WDR35: variants seen among roughly 807,000 people sequenced by gnomAD.
WDR35 encodes the protein WD repeat domain 35.
WDR35 carries 118 observed loss-of-function variants against 158.3 expected under a neutral mutation model. The ratio of observed to expected loss-of-function variants is 0.75; its 90% CI spans 0.64 to 0.87. WDR35 has a LOEUF of 0.87. WDR35 is among the 40% of genes least tolerant of loss of function. WDR35 has a pLI of 0.00. For synonymous variants in WDR35, 448 were observed against 476.1 expected (o/e 0.94, Z 0.77); for missense variants, 1,263 against 1,405.8 (o/e 0.90, Z 1.62).
intron 5 of WDR35, among the ~76,000 whole-genome samples, 199 bp from the exon 6 acceptor site, chr2:19,975,862 T>C (rs1672193135): frequency 6.6e-6 from 1 of 152,190 alleles, no homozygotes; most frequent in Admixed American, 6.5e-5. Context: ...TCAACCTTTC[T>C]CCCCTTTCTT....
chr2:19,975,250 T>C (rs1444614702), intron 6 of WDR35, among the ~76,000 whole-genome samples: 1 of 152,164 alleles, frequency 6.6e-6, no homozygotes, highest in African/African-American at 2.4e-5. Context: ...ACTCATTATC[T>C]CTCTGCTTAA....
At chr2:19,986,553 A>C (rs144751804) in intron 2 of WDR35, among the ~76,000 whole-genome samples, 16 of 152,376 alleles carry the variant, frequency 1.1e-4, no homozygotes, top group African/African-American at 3.6e-4. Context: ...TAATGTTTCA[A>C]GTCAAATCCT....
rs1558327382 is a variant in WDR35, at chr2:19,930,434, T to C, written c.3083A>G (p.Gln1028Arg). The C allele has an allele frequency of 6.2e-7, 1 of 1,614,206 alleles. No individual in the cohort carries two copies. The highest frequency in any genetic ancestry group is 1.7e-5 in the Admixed American group (1 of 60,024). The change falls in exon 25 of 27, where the codon CAG becomes CGG. Residue 1028 changes from glutamine to arginine, a missense_variant. Transcript: ENST00000281405. ...AYHFFILAQRQLYEGCVDTAL... is the reference protein window; with the variant it reads ...AYHFFILAQRRLYEGCVDTAL... ...AGTGTCCACACATCCCTCATAGAGCTGCCTCTGTGCAAGTATAAAGAAGTG... is the reference window on the plus strand; with the variant it reads ...AGTGTCCACACATCCCTCATAGAGCCGCCTCTGTGCAAGTATAAAGAAGTG...
chr2:19,941,679 T>C, intron 17 of WDR35, 80 bp downstream of exon 17: 1 of 1,067,846 alleles, frequency 9.4e-7, no homozygotes, highest in African/African-American at 1.6e-5. Flanking sequence ...TCCACACTGC[T>C]AACCAGGATA....
intron 10 of WDR35, among the ~76,000 whole-genome samples, chr2:19,964,254 A>G (rs1671762191): frequency 6.6e-6 from 1 of 151,958 alleles, no homozygotes; most frequent in Admixed American, 6.5e-5. Flanking sequence ...TTATTCACTG[A>G]GCTAGGCACT....
intron 12 of WDR35, chr2:19,952,024 A>G (rs990612191): frequency 6.5e-6 from 1 of 152,906 alleles, no homozygotes; most frequent in Non-Finnish European, 1.5e-5. Flanking sequence ...TTATTATTTT[A>G]AAATAAATTT....
chr2:19,932,991 C>T (rs1267521359), intron 22 of WDR35, among the ~76,000 whole-genome samples: 2 of 152,114 alleles, frequency 1.3e-5, no homozygotes, highest in African/African-American at 4.8e-5. Context: ...AACAGATTTG[C>T]CAAAATAAAT....
At chr2:19,954,019 A>G in intron 11 of WDR35, 41 bp from the exon 12 acceptor site, 1 of 1,612,640 alleles carries the variant, frequency 6.2e-7, no homozygotes, top group Non-Finnish European at 8.5e-7. Context: ...GTTACACAGA[A>G]TTGCAGAATG....
intron 16 of WDR35, among the ~76,000 whole-genome samples, chr2:19,942,655 G>A (rs1363093897): frequency 6.6e-6 from 1 of 151,564 alleles, no homozygotes; most frequent in Non-Finnish European, 1.5e-5. Flanking sequence ...GAGAAAGGGA[G>A]AAAGATGGAA....
chr2:19,981,580 C>T (rs1257523508), intron 3 of WDR35, among the ~76,000 whole-genome samples: 1 of 152,084 alleles, frequency 6.6e-6, no homozygotes, highest in Non-Finnish European at 1.5e-5. Context: ...TGCAGTGGCA[C>T]AATCATGGCT....
intron 22 of WDR35, among the ~76,000 whole-genome samples, chr2:19,932,976 A>C (rs1453188101): frequency 1.3e-5 from 2 of 152,224 alleles, no homozygotes; most frequent in Non-Finnish European, 2.9e-5. Context: ...ATAAAGGAAA[A>C]GGAAAACAGA....
intron 25 of WDR35, among the ~76,000 whole-genome samples, chr2:19,916,890 T>G (rs1440870938): frequency 6.6e-6 from 1 of 152,200 alleles, no homozygotes; most frequent in Non-Finnish European, 1.5e-5. Flanking sequence ...AGGGACAGAC[T>G]GCCTCCTCAA....
Position 19,914,293 on chromosome 2 carries a change from C to G in WDR35, c.3122-16G>C. 1 of 1,613,736 alleles carries G rather than the reference C, an allele frequency of 6.2e-7. No homozygotes were observed. Among genetic ancestry groups the G allele is most frequent in the African/African-American group, 1.3e-5 (1 of 75,024 alleles). ...AGGTGAAGAGCTAAGAAAAACAGGG[C>G]AATTGGGGTTTTTTAAAATAATTAT... On this transcript the variant is annotated splice_polypyrimidine_tract_variant and intron_variant, in intron 25 of 26. Transcript: ENST00000281405.
intron 13 of WDR35, among the ~76,000 whole-genome samples, chr2:19,948,509 G>A (rs957173212): frequency 2.0e-5 from 3 of 152,162 alleles, no homozygotes; most frequent in African/African-American, 7.2e-5. Context: ...TTATGACAGT[G>A]CAGAGAAAGG....
intron 13 of WDR35, among the ~76,000 whole-genome samples, chr2:19,950,739 C>T (rs968388532): frequency 6.6e-6 from 1 of 152,114 alleles, no homozygotes; most frequent in African/African-American, 2.4e-5. Flanking sequence ...CTAGTAGATA[C>T]ATCACTAGAT....
intron 5 of WDR35, among the ~76,000 whole-genome samples, chr2:19,975,925 A>G (rs970784847): frequency 6.6e-6 from 1 of 152,176 alleles, no homozygotes; most frequent in Non-Finnish European, 1.5e-5. Flanking sequence ...CCCATCTTCT[A>G]TTTTGGAAAG....
chr2:19,914,248 T>C lies in WDR35; in HGVS notation c.3151A>G (p.Ile1051Val). ...AGAGAGTAGATCTCCACAGGAGGGA[T>C]GATGTCTTCATAGTCTTTCAGGTGA... ...ALHLKDYEDI[I>V]PPVEIYSLLA... The change falls in exon 26 of 27, where the codon ATC (isoleucine) becomes GTC (valine). Residue 1051 changes from isoleucine to valine, a missense_variant. By Grantham distance (29) the Ile-to-Val change is conservative. Transcript: ENST00000281405. 1.2e-6 allele frequency: 2 copies of C among 1,614,150 alleles called. No individual in the cohort carries two copies. The highest frequency in any genetic ancestry group is 1.3e-5 in the African/African-American group (1 of 75,054).
intron 25 of WDR35, among the ~76,000 whole-genome samples, chr2:19,915,997 G>C (rs1669980031): frequency 6.6e-6 from 1 of 151,674 alleles, no homozygotes; most frequent in Non-Finnish European, 1.5e-5. Flanking sequence ...GCAGCTCCCA[G>C]CAAGATTGAC....
chr2:19,913,366 G>T lies in WDR35; in HGVS notation c.*192C>A. On this transcript the variant is annotated 3_prime_UTR_variant, in exon 27 of 27. Coordinates refer to ENST00000281405, the MANE Select transcript of WDR35 (RefSeq NM_020779.4). ...TTTTCATACATTTATATGAAAATCG[G>T]CCTTATTATTTCACAGTTGTATTGC... 1.8e-6 allele frequency: 1 copy of T among 549,556 alleles called. No individual in the cohort carries two copies. Among genetic ancestry groups the T allele is most frequent in the Non-Finnish European group, 3.0e-6 (1 of 327,968 alleles). 34.0% of individuals were successfully genotyped at this position (549,556 alleles called of 1,614,324 possible).
Sources: allele counts gnomAD v4.1 joint callset (sites outside exome capture counted in the v4.1 genomes callset), GRCh38; gene constraint gnomAD v4.1.1; transcripts MANE v1.5; gene names NCBI Gene and HGNC (gene_info 2026-07-23, HGNC 2026-07-21).